RGL1: variants seen among roughly 807,000 people sequenced by gnomAD.
The protein encoded by RGL1 is ral guanine nucleotide dissociation stimulator like 1.
In RGL1, 24 loss-of-function variants were observed where a neutral mutation model predicts 95.2. The ratio of observed to expected loss-of-function variants is 0.25; its 90% CI spans 0.18 to 0.35. RGL1 has a LOEUF of 0.35. Among genes scored for constraint, RGL1 ranks in the 10% least tolerant of loss-of-function variants. The pLI is 1.00. For synonymous variants in RGL1, 329 were observed against 344.9 expected (o/e 0.95, Z 0.51); for missense variants, 715 against 936.3 (o/e 0.76, Z 3.08).
At chr1:183,861,796 A>C (rs1214805600) in intron 3 of RGL1, among the ~76,000 whole-genome samples, 2 of 152,206 alleles carry the variant, frequency 1.3e-5, no homozygotes, top group Non-Finnish European at 2.9e-5. Context: ...GTTGGTAGCT[A>C]TTCTATGGCC....
chr1:183,702,543 G>A (rs2102146756), intron 1 of RGL1, among the ~76,000 whole-genome samples: 1 of 152,284 alleles, frequency 6.6e-6, no homozygotes, highest in Middle Eastern at 3.4e-3. Context: ...ATGGAAGGTG[G>A]TGACATGGCT....
At chr1:183,755,887 T>C (rs1218822381) in intron 2 of RGL1, among the ~76,000 whole-genome samples, 2 of 150,684 alleles carry the variant, frequency 1.3e-5, no homozygotes, top group Non-Finnish European at 3.0e-5. Context: ...TTCATTCTTT[T>C]TTTTTTTTTT....
At chr1:183,913,073 G>T (rs999052887) in intron 15 of RGL1, among the ~76,000 whole-genome samples, 2 of 151,720 alleles carry the variant, frequency 1.3e-5, no homozygotes, top group African/African-American at 4.8e-5. Context: ...GGAAACTGAT[G>T]AGAGGTGATA....
At chr1:183,734,636 C>T (rs1656820792) in intron 1 of RGL1, among the ~76,000 whole-genome samples, 1 of 152,166 alleles carries the variant, frequency 6.6e-6, no homozygotes, top group East Asian at 1.9e-4. Flanking sequence ...TGCATTTTGC[C>T]TTCATTCAGC....
At chr1:183,852,787 A>G (rs542806995) in intron 3 of RGL1, among the ~76,000 whole-genome samples, 1 of 151,258 alleles carries the variant, frequency 6.6e-6, no homozygotes, top group African/African-American at 2.4e-5. Context: ...TGGGCGACAC[A>G]GTAAGACTTG....
intron 5 of RGL1, among the ~76,000 whole-genome samples, chr1:183,882,727 A>G (rs561697204): frequency 6.6e-6 from 1 of 152,188 alleles, no homozygotes; most frequent in African/African-American, 2.4e-5. Flanking sequence ...GCTGCCCTAA[A>G]GGGGAAGTGG....
At chr1:183,800,000 A>G (rs1016969335) in intron 2 of RGL1, among the ~76,000 whole-genome samples, 4 of 152,178 alleles carry the variant, frequency 2.6e-5, no homozygotes, top group African/African-American at 7.2e-5. Flanking sequence ...AATCCTCATG[A>G]TAAGCATGAC....
chr1:183,746,347 C>T (rs1433518691), intron 2 of RGL1, among the ~76,000 whole-genome samples: 2 of 151,980 alleles, frequency 1.3e-5, no homozygotes, highest in African/African-American at 4.8e-5. Flanking sequence ...CACATATATA[C>T]ACCTACATAT....
At chr1:183,646,718 A>C (rs1372009368) in intron 1 of RGL1, 4 of 152,244 alleles carry the variant, frequency 2.6e-5, no homozygotes, top group African/African-American at 4.8e-5. Context: ...ATGGATGCTA[A>C]CAAAAAGAAA....
chr1:183,716,100 A>G (rs1299928949), intron 1 of RGL1, among the ~76,000 whole-genome samples: 1 of 152,214 alleles, frequency 6.6e-6, no homozygotes, highest in Non-Finnish European at 1.5e-5. Context: ...TCTCACAGAC[A>G]TACTCAGAAC....
chr1:183,773,839 TA>T (rs1413693841), intron 2 of RGL1, among the ~76,000 whole-genome samples: 1 of 151,266 alleles, frequency 6.6e-6, no homozygotes, highest in Non-Finnish European at 1.5e-5. Context: ...GATCAAGGAA[TA>T]AAAAAATGGC....
intron 2 of RGL1, among the ~76,000 whole-genome samples, chr1:183,763,644 T>C (rs897087915): frequency 2.0e-5 from 3 of 152,240 alleles, no homozygotes; most frequent in Admixed American, 2.0e-4. Context: ...AGAGACAGAC[T>C]GGCCATGATG....
chr1:183,892,268 C>A (rs1667470201), intron 9 of RGL1, 107 bp downstream of exon 9: 1 of 790,140 alleles, frequency 1.3e-6, no homozygotes, highest in Non-Finnish European at 1.9e-6. Context: ...CCAAAGAAAG[C>A]CTAAAGTAAC....
chr1:183,749,785 G>C (rs546989840), intron 2 of RGL1, among the ~76,000 whole-genome samples: 1 of 152,274 alleles, frequency 6.6e-6, no homozygotes, highest in Non-Finnish European at 1.5e-5. Context: ...GCATTTGCTT[G>C]TCTGTAAAGG....
chr1:183,678,271 G>A (rs1365680902), intron 1 of RGL1, among the ~76,000 whole-genome samples: 1 of 152,172 alleles, frequency 6.6e-6, no homozygotes, highest in Non-Finnish European at 1.5e-5. Context: ...AAAGACCAAA[G>A]TGCCTTCCTT....
Position 183,847,557 on chromosome 1 carries a change from A to G in RGL1, c.139-9A>G. 6.2e-7 allele frequency: 1 copy of G among 1,608,874 alleles called. No homozygotes were observed. The highest frequency in any genetic ancestry group is 8.5e-7 in the Non-Finnish European group (1 of 1,177,448). ...TTCTCCTTATGGTAATTGTTAATTT[A>G]TTATACAGGTTGAAGGGGACCAGCT... On this transcript the variant is annotated splice_polypyrimidine_tract_variant and intron_variant, in intron 2 of 17. Transcript: ENST00000360851.
chr1:183,899,328 G>T (rs1349435019), intron 10 of RGL1, among the ~76,000 whole-genome samples: 1 of 152,164 alleles, frequency 6.6e-6, no homozygotes, highest in Non-Finnish European at 1.5e-5. Flanking sequence ...CATACCAACT[G>T]CATTTTGTTG....
At chr1:183,729,979 G>A (rs899918249) in intron 1 of RGL1, among the ~76,000 whole-genome samples, 3 of 152,136 alleles carry the variant, frequency 2.0e-5, no homozygotes, top group Non-Finnish European at 4.4e-5. Context: ...GAGATCGGCT[G>A]GGAAGGGGCT....
intron 1 of RGL1, among the ~76,000 whole-genome samples, chr1:183,727,726 A>C (rs909951905): frequency 6.6e-6 from 1 of 152,214 alleles, no homozygotes; most frequent in Admixed American, 6.5e-5. Context: ...TCTACCAAAA[A>C]CTAGTAGAAC....
Sources: gnomAD v4.1 joint callset for allele counts (sites outside exome capture counted in the v4.1 genomes callset) on GRCh38, gnomAD v4.1.1 for gene constraint, MANE v1.5 for transcripts, NCBI Gene and HGNC (gene_info 2026-07-23, HGNC 2026-07-21) for gene names.